The following ZNF627 variants were observed in gnomAD, a reference collection of about 807,000 sequenced individuals.
ZNF627 encodes zinc finger protein 627.
In ZNF627, 12 loss-of-function variants were observed where a neutral mutation model predicts 10.6. The ratio of observed to expected loss-of-function variants is 1.13; its 90% CI spans 0.73 to 1.84. The LOEUF (loss-of-function observed/expected upper bound fraction) is 1.84. ZNF627 is among the 40% of genes most tolerant of loss of function. The pLI, the probability that ZNF627 is intolerant of heterozygous loss-of-function variation, is 0.00. For synonymous variants in ZNF627, 176 were observed against 187.1 expected (o/e 0.94, Z 0.48); for missense variants, 504 against 568.4 (o/e 0.89, Z 1.15).
chr19:11,608,470 TAATA>T (rs1323304465), intron 1 of ZNF627, among the ~76,000 whole-genome samples: 1 of 152,322 alleles, frequency 6.6e-6, no homozygotes, highest in Non-Finnish European at 1.5e-5. Context: ...TTCCATAGAA[TAATA>T]AATAACAATT....
At chr19:11,614,938 T>C (rs1335507679) in intron 3 of ZNF627, 51 bp downstream of exon 3, 1 of 1,408,352 alleles carries the variant, frequency 7.1e-7, no homozygotes, top group Non-Finnish European at 9.5e-7. Context: ...CATTTCGTAT[T>C]GTTAGGAATT....
In ZNF627 at chr19:11,616,257, G is replaced by A. The variant is rs557739047; in HGVS notation, c.192-438G>A. Among the ~76,000 whole-genome samples the A allele has an allele frequency of 2.0e-5, 3 of 152,076 alleles. No homozygotes were observed. The South Asian group carries it at 6.2e-4, about 32-fold the overall frequency. On this transcript the variant is annotated intron_variant, in intron 3 of 3. Transcript: ENST00000361113. Reference sequence around the variant, plus strand: ...GACAGGGTTTCTCCACGTTGGTCAAGCTGGTCTTAAACTCCTGACCTCAGG... The same window carrying A: ...GACAGGGTTTCTCCACGTTGGTCAAACTGGTCTTAAACTCCTGACCTCAGG...
chr19:11,606,207 C>T (rs934460351), intron 1 of ZNF627, among the ~76,000 whole-genome samples: 3 of 151,856 alleles, frequency 2.0e-5, no homozygotes, highest in Admixed American at 6.6e-5. Context: ...CATGGTGGCA[C>T]GCGCCTGTAA....
intron 3 of ZNF627, among the ~76,000 whole-genome samples, chr19:11,615,610 A>G (rs1330169174): frequency 1.3e-5 from 2 of 149,654 alleles, no homozygotes; most frequent in South Asian, 2.1e-4. Context: ...CTCAAAAAAG[A>G]AAAAAAGAAA....
chr19:11,607,158 CAG>C (rs1973689218), intron 1 of ZNF627, among the ~76,000 whole-genome samples: 1 of 151,868 alleles, frequency 6.6e-6, no homozygotes, highest in Non-Finnish European at 1.5e-5. Context: ...TTTTTTGAGA[CAG>C]AGTTTCACTC....
rs1973846277 is a variant in ZNF627, at chr19:11,615,218, T to C, written c.191+331T>C. The stretch of plus-strand genomic sequence containing the variant: ...GCCTCAGCCTCCCAAAGTGCTGGGA[T>C]TACAGGCCTGAGCCACCATGCCCAG... On this transcript the variant is annotated intron_variant, in intron 3 of 3. Transcript: ENST00000361113. 3.4e-5 allele frequency among the ~76,000 whole-genome samples: 4 copies of C among 117,620 alleles called. 1 individual carries two copies. In the South Asian group the frequency reaches 1.2e-3, roughly 35 times the overall value. The allele number at this position is 117,620 out of a possible 152,430, so 77.2% of individuals were successfully genotyped here. A position where few individuals can be genotyped will look rare whatever the true frequency, so the allele number is the denominator to read the frequency against.
At chr19:11,605,398 A>G (rs1290822047) in intron 1 of ZNF627, among the ~76,000 whole-genome samples, 2 of 152,136 alleles carry the variant, frequency 1.3e-5, no homozygotes, top group Admixed American at 6.6e-5. Context: ...CTGCTAATAA[A>G]GACATACCCA....
At chr19:11,614,441 A>C in intron 1 of ZNF627, 86 bp from the exon 2 acceptor site, 3 of 1,584,344 alleles carry the variant, frequency 1.9e-6, no homozygotes, top group Non-Finnish European at 1.7e-6. Flanking sequence ...AAAGCATAGC[A>C]TCCTGAGAAC....
intron 3 of ZNF627, 59 bp downstream of exon 3, chr19:11,614,946 ATTT>A (rs5827132): frequency 0.031 from 28,822 of 918,928 alleles, no homozygotes; most frequent in Middle Eastern, 0.036. Context: ...ATTGTTAGGA[ATTT>A]TTTTTTTTTT....
At chr19:11,606,124 G>A (rs1195293467) in intron 1 of ZNF627, among the ~76,000 whole-genome samples, 2 of 152,080 alleles carry the variant, frequency 1.3e-5, no homozygotes, top group Non-Finnish European at 2.9e-5. Flanking sequence ...AGCGGATCAT[G>A]AGGTCAGGAG....
intron 1 of ZNF627, among the ~76,000 whole-genome samples, chr19:11,599,406 C>G (rs1470855722): frequency 2.0e-5 from 3 of 152,188 alleles, no homozygotes; most frequent in African/African-American, 4.8e-5. Flanking sequence ...AGATATGATT[C>G]TTGCCCTCTG....
At chr19:11,612,613 G>T (rs1315456141) in intron 1 of ZNF627, among the ~76,000 whole-genome samples, 1 of 151,474 alleles carries the variant, frequency 6.6e-6, no homozygotes, top group Admixed American at 6.6e-5. Context: ...TAGAGATGGG[G>T]TTTCACCATG....
chr19:11,615,712 A>C (rs1287196969), intron 3 of ZNF627, among the ~76,000 whole-genome samples: 1 of 135,726 alleles, frequency 7.4e-6, no homozygotes, highest in Non-Finnish European at 1.6e-5. Flanking sequence ...CTTCATACGA[A>C]TATCTTTTTT....
chr19:11,608,957 C>T (rs770580881), intron 1 of ZNF627, among the ~76,000 whole-genome samples: 21 of 152,114 alleles, frequency 1.4e-4, no homozygotes, highest in Non-Finnish European at 2.4e-4. Context: ...CTGCAATCTC[C>T]GCCTTCTGAG....
chr19:11,609,431 C>G (rs1227721043), intron 1 of ZNF627, among the ~76,000 whole-genome samples: 1 of 145,548 alleles, frequency 6.9e-6, no homozygotes, highest in Non-Finnish European at 1.5e-5. Flanking sequence ...TGCTTTGCAT[C>G]TTCCAGATCC....
At chr19:11,599,010 G>A (rs368846469) in intron 1 of ZNF627, among the ~76,000 whole-genome samples, 7 of 152,122 alleles carry the variant, frequency 4.6e-5, no homozygotes, top group Admixed American at 2.6e-4. Context: ...AGTGAGACCC[G>A]GACCCTAAAA....
At chr19:11,612,492 G>A (rs1457954379) in intron 1 of ZNF627, among the ~76,000 whole-genome samples, 2 of 138,810 alleles carry the variant, frequency 1.4e-5, no homozygotes, top group African/African-American at 5.5e-5. Flanking sequence ...GGCAATCTCA[G>A]CTTACTGCAA....
intron 1 of ZNF627, among the ~76,000 whole-genome samples, chr19:11,598,191 G>A (rs893366779): frequency 6.6e-6 from 1 of 152,104 alleles, no homozygotes; most frequent in African/African-American, 2.4e-5. Flanking sequence ...GGTGGTTGTG[G>A]TTTATTAACC....
At chr19:11,612,450 G>GTC (rs1716531638) in intron 1 of ZNF627, among the ~76,000 whole-genome samples, 2 of 70,242 alleles carry the variant, frequency 2.8e-5, no homozygotes, top group Admixed American at 1.8e-4. Context: ...TTGAGACAGA[G>GTC]TCTCACTGTC....
Sources: gnomAD v4.1 joint callset for allele counts (sites outside exome capture counted in the v4.1 genomes callset) on GRCh38, gnomAD v4.1.1 for gene constraint, MANE v1.5 for transcripts, NCBI Gene and HGNC (gene_info 2026-07-23, HGNC 2026-07-21) for gene names.